EYA2: variants seen among roughly 807,000 people sequenced by gnomAD.
EYA2 encodes protein phosphatase EYA2.
EYA2 carries 31 observed loss-of-function variants against 69.2 expected under a neutral mutation model. The observed-to-expected ratio is 0.45, with a 90% CI of 0.34 to 0.60. The LOEUF is 0.60. EYA2 is among the 20% of genes least tolerant of loss of function. The pLI, the probability that EYA2 is intolerant of heterozygous loss-of-function variation, is 0.02. For missense variants in EYA2, 622 were observed against 701.2 expected, an observed-to-expected ratio of 0.89 and a Z score of 1.28; for synonymous variants, 257 against 279.4, an observed-to-expected ratio of 0.92 and a Z score of 0.80.
intron 1 of EYA2, among the ~76,000 whole-genome samples, chr20:46,976,543 G>A (rs1038397065): frequency 4.6e-5 from 7 of 152,090 alleles, no homozygotes; most frequent in Non-Finnish European, 8.8e-5. Context: ...CCGCCACCAC[G>A]CCTGGCTAAT....
chr20:47,053,683 AAAAG>A (rs1165806685), intron 5 of EYA2, among the ~76,000 whole-genome samples: 2 of 150,948 alleles, frequency 1.3e-5, no homozygotes, highest in South Asian at 2.1e-4. Flanking sequence ...AAAAAAAAAA[AAAAG>A]AGTAAGATTC....
intron 1 of EYA2, among the ~76,000 whole-genome samples, chr20:46,902,693 G>A (rs1017459326): frequency 1.3e-5 from 2 of 152,222 alleles, no homozygotes; most frequent in Non-Finnish European, 2.9e-5. Flanking sequence ...GAGAAAGTAA[G>A]AGACGCCAGC....
intron 5 of EYA2, among the ~76,000 whole-genome samples, chr20:47,067,302 A>G (rs16992295): frequency 0.012 from 1,778 of 152,230 alleles, 36 homozygotes; most frequent in African/African-American, 0.041. Context: ...GGTAACCAGA[A>G]CCAAACAGAT....
intron 1 of EYA2, among the ~76,000 whole-genome samples, chr20:46,949,611 T>C (rs868280474): frequency 2.6e-5 from 4 of 152,240 alleles, no homozygotes; most frequent in African/African-American, 9.6e-5. Context: ...AACCTCAGCC[T>C]GCACATGGAG....
At chr20:46,898,251 T>TC (rs1418919107) in intron 1 of EYA2, among the ~76,000 whole-genome samples, 1 of 119,142 alleles carries the variant, frequency 8.4e-6, no homozygotes, top group Non-Finnish European at 2.0e-5. Flanking sequence ...GTTTTTGTGT[T>TC]GGTTTTTTTT....
chr20:47,183,444 G>A (rs1600780571), intron 15 of EYA2, 53 bp downstream of exon 15: 19 of 1,551,078 alleles, frequency 1.2e-5, no homozygotes, highest in South Asian at 2.3e-5. Flanking sequence ...AGCACCCCTC[G>A]TGGTCTTCAA....
intron 1 of EYA2, among the ~76,000 whole-genome samples, chr20:46,978,977 C>T (rs1211822546): frequency 6.6e-6 from 1 of 152,246 alleles, no homozygotes; most frequent in Non-Finnish European, 1.5e-5. Flanking sequence ...TCAGAGACGT[C>T]CAGGTTTGGG....
intron 2 of EYA2, among the ~76,000 whole-genome samples, chr20:46,994,183 C>T (rs1981864890): frequency 6.6e-6 from 1 of 152,148 alleles, no homozygotes; most frequent in South Asian, 2.1e-4. Context: ...ACATTTGCAT[C>T]GTACTGATGA....
intron 5 of EYA2, among the ~76,000 whole-genome samples, chr20:47,053,966 T>G (rs910359466): frequency 6.6e-6 from 1 of 151,898 alleles, no homozygotes; most frequent in Non-Finnish European, 1.5e-5. Flanking sequence ...TGAGTGACCT[T>G]GGGCCTCAGT....
intron 5 of EYA2, among the ~76,000 whole-genome samples, chr20:47,020,878 A>T (rs536283068): frequency 6.6e-6 from 1 of 152,330 alleles, no homozygotes; most frequent in South Asian, 2.1e-4. Context: ...TATCTCTGTT[A>T]TTCCTTCCTT....
At chr20:46,964,884 T>C (rs1369752351) in intron 1 of EYA2, among the ~76,000 whole-genome samples, 1 of 152,154 alleles carries the variant, frequency 6.6e-6, no homozygotes, top group Non-Finnish European at 1.5e-5. Flanking sequence ...ATTTAGGGGA[T>C]AATACACTGA....
At chr20:46,895,150 C>T (rs2146203439) in intron 1 of EYA2, among the ~76,000 whole-genome samples, 163 bp downstream of exon 1, 1 of 152,316 alleles carries the variant, frequency 6.6e-6, no homozygotes, top group African/African-American at 2.4e-5. Flanking sequence ...CCTCCCAGGG[C>T]CAGGAAGGCA....
At chr20:46,989,906 G>T in intron 1 of EYA2, 95 bp from the exon 2 acceptor site, 1 of 642,980 alleles carries the variant, frequency 1.6e-6, no homozygotes, top group Non-Finnish European at 2.9e-6. Context: ...TAGGTAATCA[G>T]TTGTAATATT....
chr20:47,037,593 C>T (rs1348939995), intron 5 of EYA2, among the ~76,000 whole-genome samples: 2 of 152,196 alleles, frequency 1.3e-5, no homozygotes, highest in Non-Finnish European at 2.9e-5. Context: ...CTTCTGGAGC[C>T]TCTAGGGGAG....
intron 10 of EYA2, among the ~76,000 whole-genome samples, chr20:47,159,368 C>T (rs1452759945): frequency 6.6e-6 from 1 of 151,958 alleles, no homozygotes; most frequent in Non-Finnish European, 1.5e-5. Context: ...AGTTGACAAA[C>T]ATTTTACAAA....
At chr20:46,909,508 A>T (rs527423404) in intron 1 of EYA2, among the ~76,000 whole-genome samples, 2 of 152,330 alleles carry the variant, frequency 1.3e-5, no homozygotes, top group South Asian at 4.1e-4. Context: ...AGATTGCTCC[A>T]GATGTAAGTG....
chr20:46,955,125 C>T (rs1262613739), intron 1 of EYA2, among the ~76,000 whole-genome samples: 1 of 146,416 alleles, frequency 6.8e-6, no homozygotes, highest in East Asian at 2.0e-4. Flanking sequence ...CTTCCACACT[C>T]GTTCATGCAG....
chr20:47,156,127 C>CACAT (rs2033938167), intron 10 of EYA2, among the ~76,000 whole-genome samples: 8 of 14,656 alleles, frequency 5.5e-4, no homozygotes, highest in Admixed American at 1.0e-3. Flanking sequence ...CACACACACA[C>CACAT]ATATATATAT....
chr20:47,066,760 G>T (rs2031123556), intron 5 of EYA2, among the ~76,000 whole-genome samples: 1 of 152,190 alleles, frequency 6.6e-6, no homozygotes, highest in Non-Finnish European at 1.5e-5. Flanking sequence ...TGAGAGAGAA[G>T]GGGTGAATCA....
Sources: allele counts gnomAD v4.1 joint callset (sites outside exome capture counted in the v4.1 genomes callset), GRCh38; gene constraint gnomAD v4.1.1; transcripts MANE v1.5; gene names NCBI Gene and HGNC (gene_info 2026-07-23, HGNC 2026-07-21).